Variants in NRXN1 observed in about 807,000 individuals in gnomAD.
The protein encoded by NRXN1 is neurexin 1.
In NRXN1, 39 loss-of-function variants were observed where a neutral mutation model predicts 150.9. The ratio of observed to expected loss-of-function variants is 0.26; its 90% CI spans 0.20 to 0.34. The LOEUF (loss-of-function observed/expected upper bound fraction) is 0.34. NRXN1 is among the 10% of genes least tolerant of loss of function. The pLI is 1.00. For missense variants in NRXN1, 1,815 were observed against 1,949.9 expected (o/e 0.93, Z 1.30); for synonymous variants, 924 against 757.0 (o/e 1.22, Z -3.62).
intron 18 of NRXN1, among the ~76,000 whole-genome samples, chr2:50,171,087 G>C (rs1051286806): frequency 6.6e-6 from 1 of 152,084 alleles, no homozygotes; most frequent in Non-Finnish European, 1.5e-5. Flanking sequence ...CATCATAACA[G>C]TTTCATCCTT....
At position 50,680,761 on chromosome 2, in the gene NRXN1, GA is replaced by G. The variant is rs890140261; in HGVS notation, c.833-57147del. ...ACTTTAAGTAAAGCTAAGTTCAAGT[GA>G]AAAAAAAAAAAGCTAAGCATGCAGT... On this transcript the variant is annotated intron_variant, in intron 5 of 22. Coordinates refer to ENST00000401669, the MANE Select transcript of NRXN1 (RefSeq NM_001330078.2). Among the ~76,000 whole-genome samples, 905 of 133,512 alleles carry G rather than the reference GA, an allele frequency of 6.8e-3. 5 individuals carry two copies. Among genetic ancestry groups the G allele is most frequent in the African/African-American group, 0.018 (668 of 36,434 alleles). 87.6% of individuals were successfully genotyped at this position (133,512 alleles called of 152,430 possible).
intron 5 of NRXN1, among the ~76,000 whole-genome samples, chr2:50,674,586 G>A (rs971756221): frequency 6.6e-6 from 1 of 152,096 alleles, no homozygotes; most frequent in African/African-American, 2.4e-5. Flanking sequence ...GGTGGAAAAT[G>A]GTATGTCTAA....
At chr2:50,091,958 G>A (rs1050880001) in intron 18 of NRXN1, among the ~76,000 whole-genome samples, 1 of 152,134 alleles carries the variant, frequency 6.6e-6, no homozygotes. Context: ...AGGGTATGGG[G>A]CATTTAATGA....
intron 5 of NRXN1, among the ~76,000 whole-genome samples, chr2:50,626,430 A>G (rs999096116): frequency 6.6e-6 from 1 of 151,976 alleles, no homozygotes. Context: ...TAGGATAGGT[A>G]AAATGAGGAG....
At chr2:51,010,796 CT>C (rs35134042) in intron 2 of NRXN1, among the ~76,000 whole-genome samples, 26,256 of 143,718 alleles carry the variant, frequency 0.18, 3,373 homozygotes, top group African/African-American at 0.38. Context: ...CTTTTCTGTG[CT>C]TTTTTTTTTT....
intron 17 of NRXN1, among the ~76,000 whole-genome samples, chr2:50,337,614 A>C (rs2077279031): frequency 1.3e-5 from 2 of 152,194 alleles, no homozygotes; most frequent in Admixed American, 1.3e-4. Context: ...GTGATTGTTC[A>C]ATAACTAAAT....
At chr2:50,437,352 T>A (rs925263180) in intron 17 of NRXN1, among the ~76,000 whole-genome samples, 2 of 152,262 alleles carry the variant, frequency 1.3e-5, no homozygotes, top group East Asian at 1.9e-4. Context: ...AATAACCTTA[T>A]AGGAGCCTTT....
chr2:50,277,495 TC>T (rs1485424570), intron 17 of NRXN1, among the ~76,000 whole-genome samples: 1 of 107,792 alleles, frequency 9.3e-6, no homozygotes, highest in Non-Finnish European at 2.0e-5. Flanking sequence ...TTTCTTCCCT[TC>T]TTTTTCCTTC....
chr2:50,657,685 T>TA (rs1686694363), intron 5 of NRXN1, among the ~76,000 whole-genome samples: 1 of 152,030 alleles, frequency 6.6e-6, no homozygotes. Context: ...AGACATGAGA[T>TA]AAGAGTTCTG....
chr2:50,963,418 G>A (rs777188726), intron 2 of NRXN1, among the ~76,000 whole-genome samples: 5 of 151,596 alleles, frequency 3.3e-5, no homozygotes, highest in Admixed American at 6.6e-5. Context: ...AATGGACAAC[G>A]AGGAAAACTA....
At chr2:50,264,657 G>A (rs898496313) in intron 17 of NRXN1, among the ~76,000 whole-genome samples, 2 of 151,992 alleles carry the variant, frequency 1.3e-5, no homozygotes, top group African/African-American at 4.8e-5. Flanking sequence ...TCCCTAAGTG[G>A]TACAATGAAA....
intron 17 of NRXN1, among the ~76,000 whole-genome samples, chr2:50,344,236 G>C (rs960758146): frequency 4.6e-5 from 7 of 152,068 alleles, no homozygotes; most frequent in African/African-American, 1.7e-4. Flanking sequence ...CCCACCCTGA[G>C]AGGCTTATTT....
chr2:50,146,812 G>A (rs1319890932), intron 18 of NRXN1, among the ~76,000 whole-genome samples: 2 of 151,452 alleles, frequency 1.3e-5, no homozygotes, highest in African/African-American at 2.4e-5. Flanking sequence ...CTTTCTTTGT[G>A]TTTTTTACCC....
At chr2:49,982,116 C>T (rs1680082189) in intron 21 of NRXN1, among the ~76,000 whole-genome samples, 1 of 152,064 alleles carries the variant, frequency 6.6e-6, no homozygotes, top group African/African-American at 2.4e-5. Context: ...GTCACACCAG[C>T]CTTGGACATG....
In NRXN1 at chr2:50,239,746, C is replaced by A. The variant is rs912305640; in HGVS notation, c.3365-2776G>T. 7.2e-5 allele frequency among the ~76,000 whole-genome samples: 9 copies of A among 125,088 alleles called. 1 individual carries two copies. In the South Asian group the frequency reaches 2.0e-3, roughly 28 times the overall value. The allele number at this position is 125,088 out of a possible 152,430, so 82.1% of individuals were successfully genotyped here. On this transcript the variant is annotated intron_variant, in intron 17 of 22. Transcript: ENST00000401669. ...ACAGAAATATTTCTGTTATCATAAC[C>A]AGGCAGTCAAGAAAAAGTTAATTGG...
At chr2:50,252,403 C>T (rs776406292) in intron 17 of NRXN1, among the ~76,000 whole-genome samples, 1 of 151,468 alleles carries the variant, frequency 6.6e-6, no homozygotes, top group Non-Finnish European at 1.5e-5. Flanking sequence ...GGAATACAGG[C>T]ATGTGCCACC....
chr2:50,769,754 C>T (rs531501048), intron 5 of NRXN1, among the ~76,000 whole-genome samples: 11 of 152,090 alleles, frequency 7.2e-5, no homozygotes, highest in African/African-American at 2.7e-4. Flanking sequence ...AAATTATTGC[C>T]ATGAGGTTCT....
At chr2:50,252,073 A>G (rs979884564) in intron 17 of NRXN1, among the ~76,000 whole-genome samples, 1 of 151,370 alleles carries the variant, frequency 6.6e-6, no homozygotes, top group African/African-American at 2.4e-5. Flanking sequence ...TATTGTTGCC[A>G]TTTCTTTTTA....
intron 5 of NRXN1, among the ~76,000 whole-genome samples, chr2:50,799,871 C>CTT (rs1465588584): frequency 6.6e-6 from 1 of 152,046 alleles, no homozygotes; most frequent in African/African-American, 2.4e-5. Flanking sequence ...TCTTGTGACA[C>CTT]TTTAAGACAT....
Sources: gnomAD v4.1 joint callset for allele counts (sites outside exome capture counted in the v4.1 genomes callset) on GRCh38, gnomAD v4.1.1 for gene constraint, MANE v1.5 for transcripts, NCBI Gene and HGNC (gene_info 2026-07-23, HGNC 2026-07-21) for gene names.